The following AGBL1 variants were observed in gnomAD, a reference collection of about 807,000 sequenced individuals.
AGBL1 encodes the protein cytosolic carboxypeptidase 4.
AGBL1 carries 130 observed loss-of-function variants against 118.9 expected under a neutral mutation model. The ratio of observed to expected loss-of-function variants is 1.09; its 90% CI spans 0.95 to 1.26. AGBL1 has a LOEUF of 1.26. AGBL1 is among the 50% of genes most tolerant of loss of function. AGBL1 has a pLI of 0.00. For missense variants in AGBL1, 1,584 were observed against 1,298.1 expected (o/e 1.22, Z -3.38); for synonymous variants, 555 against 478.9 (o/e 1.16, Z -2.08).
At chr15:86,700,642 G>A (rs975570015) in intron 22 of AGBL1, among the ~76,000 whole-genome samples, 30 of 152,114 alleles carry the variant, frequency 2.0e-4, no homozygotes, top group African/African-American at 7.0e-4. Context: ...TTCAGCTGGT[G>A]AAAATTAGGA....
chr15:86,813,205 G>C (rs1301706909), intron 22 of AGBL1, among the ~76,000 whole-genome samples: 1 of 151,630 alleles, frequency 6.6e-6, no homozygotes, highest in African/African-American at 2.4e-5. Context: ...TTGAGGGTTG[G>C]GGGGGCCTCA....
At chr15:86,396,155 A>G (rs1362654696) in intron 17 of AGBL1, among the ~76,000 whole-genome samples, 1 of 147,882 alleles carries the variant, frequency 6.8e-6, no homozygotes, top group Non-Finnish European at 1.5e-5. Flanking sequence ...GTGTATATAT[A>G]TATATATAAA....
intron 17 of AGBL1, among the ~76,000 whole-genome samples, chr15:86,387,373 G>A (rs1049644254): frequency 5.3e-5 from 8 of 152,164 alleles, no homozygotes; most frequent in African/African-American, 1.2e-4. Context: ...TTTCAATGAG[G>A]AGACTAAGGA....
intron 22 of AGBL1, among the ~76,000 whole-genome samples, chr15:86,888,039 A>G (rs566317809): frequency 6.6e-6 from 1 of 152,164 alleles, no homozygotes; most frequent in South Asian, 2.1e-4. Flanking sequence ...CTGCCTCTAC[A>G]TGCCAAAGAT....
chr15:86,914,332 A>G lies in AGBL1; in HGVS notation c.*7038A>G, dbSNP rs1484252523. Reference sequence around the variant, plus strand: ...GTTTCTGCTCTGCTCAGACAATCACATAAGTGACTCATTTCACTCTCAGTA... The same window carrying G: ...GTTTCTGCTCTGCTCAGACAATCACGTAAGTGACTCATTTCACTCTCAGTA... On this transcript the variant is annotated 3_prime_UTR_variant, in exon 23 of 23. Transcript: ENST00000614907. 1 of 152,220 alleles carries G rather than the reference A, an allele frequency of 6.6e-6. No homozygotes were observed. Among genetic ancestry groups the G allele is most frequent in the Non-Finnish European group, 1.5e-5 (1 of 68,046 alleles). 9.4% of individuals were successfully genotyped at this position (152,220 alleles called of 1,614,324 possible).
intron 22 of AGBL1, among the ~76,000 whole-genome samples, chr15:86,904,583 TATA>T (rs200973542): frequency 0.25 from 37,545 of 148,146 alleles, 5,510 homozygotes; most frequent in Middle Eastern, 0.37. Context: ...TCATATCATA[TATA>T]ATAAGTATTA....
intron 18 of AGBL1, among the ~76,000 whole-genome samples, chr15:86,404,972 C>G (rs942026887): frequency 6.6e-6 from 1 of 152,020 alleles, no homozygotes; most frequent in South Asian, 2.1e-4. Context: ...AGAGGCAATG[C>G]TCTTGAGCTT....
chr15:86,438,009 G>A (rs1189843520), intron 18 of AGBL1, among the ~76,000 whole-genome samples: 9 of 152,086 alleles, frequency 5.9e-5, no homozygotes, highest in African/African-American at 1.9e-4. Flanking sequence ...AGGTTCAAGC[G>A]ATTCTCCTGC....
At chr15:86,113,287 CTTTT>C in intron 1 of AGBL1, among the ~76,000 whole-genome samples, 1 of 97,362 alleles carries the variant, frequency 1.0e-5, no homozygotes, top group South Asian at 3.2e-4. Flanking sequence ...TTCTTTCTTT[CTTTT>C]TTTTTTTTTT....
intron 22 of AGBL1, among the ~76,000 whole-genome samples, chr15:86,834,467 AG>A (rs1389291467): frequency 6.6e-6 from 1 of 152,212 alleles, no homozygotes; most frequent in Non-Finnish European, 1.5e-5. Flanking sequence ...CCAGCTAAAG[AG>A]AGCTCCATGA....
chr15:86,850,984 T>C (rs2079400280), intron 22 of AGBL1, among the ~76,000 whole-genome samples: 1 of 152,220 alleles, frequency 6.6e-6, no homozygotes, highest in Non-Finnish European at 1.5e-5. Context: ...AAATCAATAA[T>C]AATTTTCTGC....
At chr15:86,378,421 C>T (rs1269307911) in intron 17 of AGBL1, among the ~76,000 whole-genome samples, 1 of 152,044 alleles carries the variant, frequency 6.6e-6, no homozygotes, top group East Asian at 1.9e-4. Context: ...TTTTGGGGGT[C>T]TGTCTCCAGG....
At chr15:86,097,320 T>C (rs908923197) in intron 1 of AGBL1, among the ~76,000 whole-genome samples, 2 of 152,194 alleles carry the variant, frequency 1.3e-5, no homozygotes, top group African/African-American at 4.8e-5. Flanking sequence ...GTTGAGAACA[T>C]TTCAGGTTCT....
At chr15:86,184,522 C>A (rs550520185) in intron 5 of AGBL1, among the ~76,000 whole-genome samples, 1 of 150,866 alleles carries the variant, frequency 6.6e-6, no homozygotes, top group East Asian at 1.9e-4. Context: ...GCCTGCCTGG[C>A]TAGGTTGGGG....
intron 5 of AGBL1, among the ~76,000 whole-genome samples, chr15:86,220,351 C>G (rs755859517): frequency 1.3e-5 from 2 of 152,140 alleles, no homozygotes; most frequent in Non-Finnish European, 2.9e-5. Context: ...ATTTCACCCT[C>G]TAGCATTCCC....
chr15:86,674,974 A>C (rs2085812484), intron 22 of AGBL1, among the ~76,000 whole-genome samples: 1 of 152,170 alleles, frequency 6.6e-6, no homozygotes. Context: ...ATTTCTGAGA[A>C]TCGTGGAGAT....
At chr15:86,145,024 C>G (rs1405353870) in intron 3 of AGBL1, among the ~76,000 whole-genome samples, 1 of 152,096 alleles carries the variant, frequency 6.6e-6, no homozygotes, top group Admixed American at 6.6e-5. Flanking sequence ...TGCCAGAAAT[C>G]CTTGGTGTTT....
chr15:86,264,224 C>T, intron 10 of AGBL1, 34 bp from the exon 11 acceptor site: 1 of 1,468,580 alleles, frequency 6.8e-7, no homozygotes, highest in Non-Finnish European at 9.2e-7. Flanking sequence ...TGGAAGGACA[C>T]ACTAACATAT....
intron 22 of AGBL1, among the ~76,000 whole-genome samples, chr15:86,759,754 C>T (rs1341236710): frequency 6.6e-6 from 1 of 152,062 alleles, no homozygotes; most frequent in African/African-American, 2.4e-5. Flanking sequence ...GGAAAGAAAA[C>T]AAGATGATGA....
Sources: allele counts gnomAD v4.1 joint callset (sites outside exome capture counted in the v4.1 genomes callset), GRCh38; gene constraint gnomAD v4.1.1; transcripts MANE v1.5; gene names NCBI Gene and HGNC (gene_info 2026-07-23, HGNC 2026-07-21).